The following BCAT2 variants were observed in gnomAD, a reference collection of about 807,000 sequenced individuals.
BCAT2 encodes branched-chain-amino-acid aminotransferase, mitochondrial.
BCAT2 carries 44 observed loss-of-function variants against 52.9 expected under a neutral mutation model. The observed-to-expected ratio is 0.83, with a 90% CI of 0.65 to 1.07. The LOEUF (loss-of-function observed/expected upper bound fraction) is 1.07, where lower values mean the gene tolerates loss of function less well. Among genes scored for constraint, BCAT2 ranks in the 50% least tolerant of loss-of-function variants. The pLI is 0.00. For synonymous variants in BCAT2, 215 were observed against 217.1 expected (o/e 0.99, Z 0.08); for missense variants, 478 against 521.8 (o/e 0.92, Z 0.82).
intron 6 of BCAT2, chr19:48,797,635 C>A: frequency 3.0e-6 from 1 of 332,218 alleles, no homozygotes; most frequent in Non-Finnish European, 5.7e-6. Context: ...ACTGCAACCT[C>A]CGCCTCCCAG....
At position 48,796,639 on chromosome 19, in the gene BCAT2, A is replaced by G. The variant is rs368301773; in HGVS notation, c.1004T>C (p.Val335Ala). ...RALEEGRVRE[V>A]FGSGTACQVC... ...CTGGCAAGCGGTGCCCGAGCCAAAG[A>G]CTTCCCGCACGCGGCCCTCCTCCAG... is the stretch of plus-strand genomic sequence containing the variant. Residue 335 changes from valine to alanine, a missense_variant, in exon 9 of 11, where the codon GTC becomes GCC. Coordinates refer to ENST00000316273, the MANE Select transcript of BCAT2 (RefSeq NM_001190.4). The G allele has an allele frequency of 3.4e-5, 55 of 1,613,558 alleles. No individual in the cohort carries two copies. In the East Asian group the frequency reaches 1.2e-3, roughly 35 times the overall value.
At chr19:48,810,803 C>T in intron 1 of BCAT2, 181 bp downstream of exon 1, 1 of 1,437,252 alleles carries the variant, frequency 7.0e-7, no homozygotes, top group Non-Finnish European at 9.1e-7. Context: ...ACCTGCTCCC[C>T]CTCACCCCAT....
Position 48,795,440 on chromosome 19 carries a change from T to C in BCAT2, c.1165A>G (p.Met389Val), listed in dbSNP as rs1006332201. 31 of 1,613,936 alleles carry C rather than the reference T, an allele frequency of 1.9e-5. No homozygotes were observed. The highest frequency in any genetic ancestry group is 3.3e-4 in the Middle Eastern group (2 of 6,062). ...AGCCTGCAGCTTCACACCGGGAACA[T>C]CCACTCGTGGGCTCTGATTCCGTAC... ...IQYGIRAHEWMFPV is the reference protein window; with the variant it reads ...IQYGIRAHEWVFPV The change falls in exon 11 of 11, where the codon ATG becomes GTG. Residue 389 changes from methionine to valine, a missense_variant. Coordinates refer to ENST00000316273, the MANE Select transcript of BCAT2 (RefSeq NM_001190.4).
rs775469225 is a variant in BCAT2 at position 48,796,982 on chromosome 19, C to T, written c.879G>A (p.Leu293=). ...LVTPPLNGVI[L]PGVVRQSLLD... Reference sequence around the variant, plus strand: ...GTAGACTCTGTCTGACCACTCCAGGCAGGATAACACCATTCAGCGGGGGCG... The same window carrying T: ...GTAGACTCTGTCTGACCACTCCAGGTAGGATAACACCATTCAGCGGGGGCG... The change falls in exon 8 of 11, where the codon CTG becomes CTA. Residue 293 remains leucine (L), a synonymous_variant. Coordinates refer to ENST00000316273, the MANE Select transcript of BCAT2 (RefSeq NM_001190.4). 2 of 1,614,200 alleles carry T rather than the reference C, an allele frequency of 1.2e-6. No individual in the cohort carries two copies. Among genetic ancestry groups the T allele is most frequent in the East Asian group, 4.5e-5 (2 of 44,882 alleles).
intron 3 of BCAT2, 128 bp from the exon 4 acceptor site, chr19:48,800,425 G>A (rs1180060435): frequency 2.3e-5 from 18 of 793,556 alleles, no homozygotes; most frequent in South Asian, 5.1e-5. Context: ...GGAGAGCACC[G>A]GGGAGATTTA....
At chr19:48,796,742 C>A (rs377114739) in intron 8 of BCAT2, 24 bp from the exon 9 acceptor site, 1 of 1,604,108 alleles carries the variant, frequency 6.2e-7, no homozygotes, top group Admixed American at 1.7e-5. Context: ...GGCAGAGACA[C>A]GTGTCCCCAG....
intron 3 of BCAT2, among the ~76,000 whole-genome samples, chr19:48,800,949 G>T (rs1009073263): frequency 2.7e-5 from 4 of 150,466 alleles, no homozygotes; most frequent in African/African-American, 7.4e-5. Context: ...CATGCACCAG[G>T]GTAGGCAGCG....
At position 48,806,617 on chromosome 19, in the gene BCAT2, A is replaced by C. The variant is rs1352503179; in HGVS notation, c.200T>G (p.Met67Arg). The C allele has an allele frequency of 1.2e-6, 2 of 1,614,042 alleles. No homozygotes were observed. The highest frequency in any genetic ancestry group is 2.7e-5 in the African/African-American group (2 of 74,918). The change falls in exon 3 of 11, where the codon ATG becomes AGG. Residue 67 changes from methionine to arginine, a missense_variant. Coordinates refer to ENST00000316273, the MANE Select transcript of BCAT2 (RefSeq NM_001190.4). ...FGKTFTDHML[M>R]VEWNDKGWGQ... The stretch of plus-strand genomic sequence containing the variant: ...CCAGCCCTTGTCATTCCATTCCACC[A>C]TCAGCATGTGGTCGGTAAATGTCTT...
rs1258150768 is a variant in BCAT2, at chr19:48,796,522, G to A, written c.1066-20C>T. On this transcript the variant is annotated intron_variant, in intron 9 of 10. Transcript: ENST00000316273. ...GAGGTTCTGGGACAGAAGGTGCGGT[G>A]AGGACCAAGCCCCTCCCCTCCTTCC... 6 of 1,611,724 alleles carry A rather than the reference G, an allele frequency of 3.7e-6. No individual in the cohort carries two copies. Among genetic ancestry groups the A allele is most frequent in the Admixed American group, 1.7e-5 (1 of 59,938 alleles).
intron 6 of BCAT2, 77 bp from the exon 7 acceptor site, chr19:48,797,410 C>A: frequency 6.5e-7 from 1 of 1,548,824 alleles, no homozygotes; most frequent in South Asian, 1.2e-5. Context: ...GAGGCTCATC[C>A]TACTCTCTCC....
intron 6 of BCAT2, 42 bp from the exon 7 acceptor site, chr19:48,797,375 A>G (rs769070155): frequency 5.0e-6 from 8 of 1,609,558 alleles, no homozygotes; most frequent in Middle Eastern, 1.9e-4. Context: ...AGGGAGCCCC[A>G]TCCTTCCCCA....
intron 6 of BCAT2, among the ~76,000 whole-genome samples, chr19:48,798,409 G>A (rs748268199): frequency 3.3e-5 from 5 of 152,160 alleles, no homozygotes; most frequent in African/African-American, 1.2e-4. Flanking sequence ...GCCTCCTTCC[G>A]GCATTCCAGG....
In BCAT2 at chr19:48,807,512, G is replaced by T. The variant is rs2034817871; in HGVS notation, c.25-438C>A. 1 of 181,888 alleles carries T rather than the reference G, an allele frequency of 5.5e-6. No individual in the cohort carries two copies. Among genetic ancestry groups the T allele is most frequent in the South Asian group, 1.4e-4 (1 of 7,320 alleles). The allele number at this position is 181,888 out of a possible 1,614,324, so 11.3% of individuals were successfully genotyped here. A position where few individuals can be genotyped will look rare whatever the true frequency, so the allele number is the denominator to read the frequency against. ...GCAGACCCCAGGCCCGCCTCCCTCA[G>T]ACCTAAGTAAGAGTCCAGACTCTAG... is the stretch of plus-strand genomic sequence containing the variant. On this transcript the variant is annotated intron_variant, in intron 1 of 10. Transcript: ENST00000316273. The surrounding 1 kb of genome is among the most constrained non-coding windows in gnomAD (Gnocchi z 4.6).
At position 48,807,869 on chromosome 19, in the gene BCAT2, C is replaced by G. The variant is rs1370961076; in HGVS notation, c.25-795G>C. The G allele has an allele frequency of 1.0e-6, 1 of 985,522 alleles. No homozygotes were observed. Among genetic ancestry groups the G allele is most frequent in the Admixed American group, 6.1e-5 (1 of 16,266 alleles). The allele number at this position is 985,522 out of a possible 1,614,324, so 61.0% of individuals were successfully genotyped here. A position where few individuals can be genotyped will look rare whatever the true frequency, so the allele number is the denominator to read the frequency against. ...CAGTCCTCACTGCATGAGGCTCAGG[C>G]GGGTCCTCCCAGAGGGGAGTAGGAA... On this transcript the variant is annotated intron_variant, in intron 1 of 10. Coordinates refer to ENST00000316273, the MANE Select transcript of BCAT2 (RefSeq NM_001190.4). The surrounding 1 kb of genome is among the most constrained non-coding windows in gnomAD (Gnocchi z 4.6).
chr19:48,808,401 A>T, intron 1 of BCAT2: 1 of 222,154 alleles, frequency 4.5e-6, no homozygotes, highest in Non-Finnish European at 6.3e-6. Flanking sequence ...GCACAAACAG[A>T]AAAAAAAAAA....
chr19:48,806,586 C>A lies in BCAT2; in HGVS notation c.231G>T (p.Gln77His). The A allele has an allele frequency of 6.2e-7, 1 of 1,614,160 alleles. No individual in the cohort carries two copies. The highest frequency in any genetic ancestry group is 8.5e-7 in the Non-Finnish European group (1 of 1,180,030). The change falls in exon 3 of 11, where the codon CAG (glutamine) becomes CAT (histidine). Residue 77 changes from glutamine (Q) to histidine (H), a missense_variant. Physicochemically the swap from Gln to His is conservative, Grantham distance 24. Coordinates refer to ENST00000316273, the MANE Select transcript of BCAT2 (RefSeq NM_001190.4). Reference sequence around the variant, plus strand: ...GGTTCTGGAAGGGCTGGATTCGGGGCTGGCCCCAGCCCTTGTCATTCCATT... The same window carrying A: ...GGTTCTGGAAGGGCTGGATTCGGGGATGGCCCCAGCCCTTGTCATTCCATT... ...MVEWNDKGWG[Q>H]PRIQPFQNLT...
Position 48,795,603 on chromosome 19 carries a change from C to A in BCAT2, c.1141-139G>T, listed in dbSNP as rs758992879. On this transcript the variant is annotated intron_variant, in intron 10 of 10. Coordinates refer to ENST00000316273, the MANE Select transcript of BCAT2 (RefSeq NM_001190.4). The stretch of plus-strand genomic sequence containing the variant: ...AATGTAGTCCACTTCCCAGAGGGCC[C>A]CAACAATGATGGGAACGGGGAATCA... 1.1e-4 allele frequency: 100 copies of A among 951,334 alleles called. 1 individual carries two copies. Among genetic ancestry groups the A allele is most frequent in the Non-Finnish European group, 1.3e-4 (79 of 620,824 alleles). The allele number at this position is 951,334 out of a possible 1,614,324, so 58.9% of individuals were successfully genotyped here.
At chr19:48,800,536 G>A (rs916277129) in intron 3 of BCAT2, among the ~76,000 whole-genome samples, 2 of 152,132 alleles carry the variant, frequency 1.3e-5, no homozygotes, top group African/African-American at 2.4e-5. Flanking sequence ...GGACACGACC[G>A]GGCTCAGTGG....
At chr19:48,798,260 G>T (rs1361598055) in intron 6 of BCAT2, among the ~76,000 whole-genome samples, 2 of 152,118 alleles carry the variant, frequency 1.3e-5, no homozygotes, top group African/African-American at 4.8e-5. Context: ...CTCCAGGCTG[G>T]GTGCTGGACC....
Sources: gnomAD v4.1 joint callset for allele counts (sites outside exome capture counted in the v4.1 genomes callset) on GRCh38, gnomAD v4.1.1 for gene constraint, Gnocchi (gnomAD v3.1) non-coding constraint, MANE v1.5 for transcripts, NCBI Gene and HGNC (gene_info 2026-07-23, HGNC 2026-07-21) for gene names.